TGFBR3: variants seen among roughly 807,000 people sequenced by gnomAD.
The protein encoded by TGFBR3 is transforming growth factor beta receptor 3.
In TGFBR3, 46 loss-of-function variants were observed where a neutral mutation model predicts 87.9. The ratio of observed to expected loss-of-function variants is 0.52; its 90% CI spans 0.41 to 0.67. The LOEUF is 0.67. TGFBR3 is among the 30% of genes least tolerant of loss of function. The probability of loss-of-function intolerance (pLI) is 0.00; values close to 1 mark genes in which losing one functional copy is unlikely to be tolerated. For synonymous variants in TGFBR3, 381 were observed against 391.6 expected (o/e 0.97, Z 0.32); for missense variants, 866 against 1,041.9 (o/e 0.83, Z 2.32).
intron 3 of TGFBR3, among the ~76,000 whole-genome samples, chr1:91,785,027 A>G (rs1674905175): frequency 6.6e-6 from 1 of 152,246 alleles, no homozygotes; most frequent in Non-Finnish European, 1.5e-5. Flanking sequence ...GCAGCCATAG[A>G]CAACATATTA....
rs140088801 is a variant in TGFBR3 at position 91,732,349 on chromosome 1, T to C, written c.569-2376A>G. ...AGCATCAGATCTCCTAAAGGGCTGA[T>C]TGAAACACTGACTGCTGGGTCCCAC... On this transcript the variant is annotated intron_variant, in intron 5 of 16. Coordinates refer to ENST00000212355, the MANE Select transcript of TGFBR3 (RefSeq NM_003243.5). Among the ~76,000 whole-genome samples the C allele has an allele frequency of 1.9e-3, 292 of 152,264 alleles. 1 individual carries two copies. The highest frequency in any genetic ancestry group is 4.0e-3 in the African/African-American group (166 of 41,548).
At chr1:91,718,267 T>C (rs1267523514) in intron 10 of TGFBR3, among the ~76,000 whole-genome samples, 2 of 152,178 alleles carry the variant, frequency 1.3e-5, no homozygotes, top group Admixed American at 1.3e-4. Context: ...AAGCTCATCT[T>C]AGGGTTATTT....
chr1:91,891,408 G>A (rs1003985117), intron 2 of TGFBR3, among the ~76,000 whole-genome samples: 3 of 151,810 alleles, frequency 2.0e-5, no homozygotes, highest in African/African-American at 4.8e-5. Flanking sequence ...TGAGGTGGGA[G>A]GATCACTTGA....
intron 16 of TGFBR3, among the ~76,000 whole-genome samples, chr1:91,692,669 GGA>G (rs1349600554): frequency 6.6e-6 from 1 of 152,074 alleles, no homozygotes; most frequent in Non-Finnish European, 1.5e-5. Context: ...CAGCATCTTA[GGA>G]GAGAATGTAA....
At chr1:91,804,819 C>T (rs1031694126) in intron 2 of TGFBR3, among the ~76,000 whole-genome samples, 2 of 152,182 alleles carry the variant, frequency 1.3e-5, no homozygotes, top group African/African-American at 4.8e-5. Context: ...CCTGTGGCCA[C>T]GGCTGAAAAC....
chr1:91,841,494 A>C (rs964158083), intron 2 of TGFBR3, among the ~76,000 whole-genome samples: 2 of 152,092 alleles, frequency 1.3e-5, no homozygotes, highest in African/African-American at 4.8e-5. Context: ...CCAATCTTGG[A>C]ATTATTATAA....
chr1:91,774,946 A>G (rs1674517768), intron 3 of TGFBR3, among the ~76,000 whole-genome samples: 2 of 152,100 alleles, frequency 1.3e-5, no homozygotes, highest in Non-Finnish European at 2.9e-5. Flanking sequence ...AAATTTATAT[A>G]TAATAAAATC....
At chr1:91,787,943 G>GA (rs111981257) in intron 3 of TGFBR3, among the ~76,000 whole-genome samples, 196 of 133,110 alleles carry the variant, frequency 1.5e-3, no homozygotes, top group Middle Eastern at 4.1e-3. Flanking sequence ...GTCTCACGGG[G>GA]AAAAAAAAAA....
At chr1:91,860,353 A>T (rs1258938693) in intron 2 of TGFBR3, among the ~76,000 whole-genome samples, 1 of 152,238 alleles carries the variant, frequency 6.6e-6, no homozygotes. Context: ...GTGCAATTCA[A>T]CAGCCAAAAC....
chr1:91,762,781 T>C (rs969721286), intron 3 of TGFBR3, among the ~76,000 whole-genome samples: 3 of 151,568 alleles, frequency 2.0e-5, no homozygotes, highest in East Asian at 3.8e-4. Flanking sequence ...CTAGGTCTTC[T>C]GCAGTTACCT....
At chr1:91,880,749 C>T (rs1679051433) in intron 1 of TGFBR3, among the ~76,000 whole-genome samples, 1 of 151,844 alleles carries the variant, frequency 6.6e-6, no homozygotes. Flanking sequence ...AGCAGTGGCT[C>T]ATGCCTGTAA....
intron 3 of TGFBR3, among the ~76,000 whole-genome samples, chr1:91,772,465 T>C (rs1312785525): frequency 2.6e-5 from 4 of 152,174 alleles, no homozygotes; most frequent in African/African-American, 9.7e-5. Context: ...AGGAGTTTGT[T>C]CCTTGGCTTT....
intron 14 of TGFBR3, among the ~76,000 whole-genome samples, chr1:91,702,715 T>C (rs188418949): frequency 1.9e-4 from 29 of 152,094 alleles, no homozygotes; most frequent in African/African-American, 5.8e-4. Context: ...TATTTTTGTA[T>C]ATATTTGAAA....
At chr1:91,760,758 G>A (rs969244227) in intron 3 of TGFBR3, among the ~76,000 whole-genome samples, 8 of 152,176 alleles carry the variant, frequency 5.3e-5, no homozygotes, top group Admixed American at 5.2e-4. Flanking sequence ...TGGTTGTAAA[G>A]ACTCTACCTC....
intron 3 of TGFBR3, chr1:91,786,327 G>T (rs948741560): frequency 5.3e-5 from 24 of 450,262 alleles, no homozygotes; most frequent in Admixed American, 9.6e-5. Context: ...AGGGTCTAAA[G>T]CTGAAGAGGC....
At chr1:91,813,220 C>G (rs2101042989) in intron 2 of TGFBR3, among the ~76,000 whole-genome samples, 1 of 152,272 alleles carries the variant, frequency 6.6e-6, no homozygotes, top group South Asian at 2.1e-4. Flanking sequence ...ATTAGGGACA[C>G]TGTCCACAGT....
intron 2 of TGFBR3, among the ~76,000 whole-genome samples, chr1:91,836,498 A>G (rs1677074036): frequency 6.6e-6 from 1 of 152,186 alleles, no homozygotes; most frequent in African/African-American, 2.4e-5. Flanking sequence ...GCACCCAGGC[A>G]GCTGGCTCTT....
chr1:91,724,995 T>C (rs1481810054), intron 7 of TGFBR3, among the ~76,000 whole-genome samples: 1 of 152,214 alleles, frequency 6.6e-6, no homozygotes, highest in Non-Finnish European at 1.5e-5. Flanking sequence ...TGAGGCCACA[T>C]GAAATAATAT....
At chr1:91,779,769 A>G (rs4658113) in intron 3 of TGFBR3, among the ~76,000 whole-genome samples, 78,693 of 151,950 alleles carry the variant, frequency 0.52, 21,256 homozygotes, top group African/African-American at 0.67. Context: ...CATTTCCCAT[A>G]CTGCTGTAAC....
Sources: gnomAD v4.1 joint callset for allele counts (sites outside exome capture counted in the v4.1 genomes callset) on GRCh38, gnomAD v4.1.1 for gene constraint, MANE v1.5 for transcripts, NCBI Gene and HGNC (gene_info 2026-07-23, HGNC 2026-07-21) for gene names.